LRRC53: variants seen among roughly 807,000 people sequenced by gnomAD.
LRRC53 encodes leucine-rich repeat-containing protein 53.
LRRC53 carries 25 observed loss-of-function variants against 13.6 expected under a neutral mutation model. The observed-to-expected ratio is 1.83, with a 90% confidence interval of 1.34 to 2.56. The LOEUF is 2.56. Among genes scored for constraint, LRRC53 ranks in the 30% most tolerant of loss-of-function variants. The pLI is 0.00. For missense variants in LRRC53, 527 were observed against 275.8 expected (o/e 1.91, Z -6.45); for synonymous variants, 204 against 109.8 (o/e 1.86, Z -5.37).
chr1:74,472,430 A>C (rs1044080913), intron 4 of LRRC53, among the ~76,000 whole-genome samples: 3 of 152,180 alleles, frequency 2.0e-5, no homozygotes, highest in Admixed American at 2.0e-4. Context: ...TGCTGACTTA[A>C]AAGTTGTGGA....
chr1:74,485,396 G>A (rs1287575501), intron 1 of LRRC53, among the ~76,000 whole-genome samples: 1 of 152,158 alleles, frequency 6.6e-6, no homozygotes, highest in Non-Finnish European at 1.5e-5. Context: ...TGGATGTGTG[G>A]TTCAGGGGCA....
At chr1:74,527,119 A>G in the LRRC53 span, among the ~76,000 whole-genome samples, 1 of 152,192 alleles carries the variant, frequency 6.6e-6, no homozygotes, top group South Asian at 2.1e-4. Context: ...TCCATCTCCT[A>G]GTGGAAAAAT....
chr1:74,523,885 A>G, the LRRC53 span, among the ~76,000 whole-genome samples: 1 of 152,032 alleles, frequency 6.6e-6, no homozygotes, highest in South Asian at 2.1e-4. Context: ...TTAATCTGTC[A>G]TCTACATTAA....
At chr1:74,535,758 A>G in the LRRC53 span, among the ~76,000 whole-genome samples, 1 of 152,196 alleles carries the variant, frequency 6.6e-6, no homozygotes, top group East Asian at 1.9e-4. Context: ...TGTCATCTAT[A>G]TGAAATACCT....
At chr1:74,518,114 T>G in the LRRC53 span, among the ~76,000 whole-genome samples, 1 of 151,984 alleles carries the variant, frequency 6.6e-6, no homozygotes, top group Non-Finnish European at 1.5e-5. Context: ...GACCAGGAGG[T>G]TCCCAGGTAA....
chr1:74,481,068 T>C, intron 2 of LRRC53, 100 bp from the exon 3 acceptor site: 1 of 602,482 alleles, frequency 1.7e-6, no homozygotes, highest in Non-Finnish European at 3.0e-6. Context: ...AGCAATCTTA[T>C]CACCTGGGTA....
intron 3 of LRRC53, 139 bp from the exon 4 acceptor site, chr1:74,475,949 A>T (rs1668185733): frequency 2.2e-6 from 1 of 449,470 alleles, no homozygotes; most frequent in Non-Finnish European, 3.9e-6. Flanking sequence ...CCATTTGGAA[A>T]AATATCAGTC....
chr1:74,478,563 T>A (rs896708190), intron 3 of LRRC53, among the ~76,000 whole-genome samples: 6 of 152,108 alleles, frequency 3.9e-5, no homozygotes, highest in Admixed American at 1.3e-4. Flanking sequence ...AAATCCTCTA[T>A]GAAAAAAAGG....
chr1:74,481,114 T>G, intron 2 of LRRC53, 146 bp from the exon 3 acceptor site: 2 of 577,260 alleles, frequency 3.5e-6, no homozygotes. Flanking sequence ...AAAATGATTT[T>G]CTGATTTCCA....
At chr1:74,500,338 C>T (rs1337732730) in intron 1 of LRRC53, among the ~76,000 whole-genome samples, 2 of 151,680 alleles carry the variant, frequency 1.3e-5, no homozygotes, top group African/African-American at 2.4e-5. Context: ...ATAAATGCAC[C>T]TTTAAAAATT....
Position 74,471,209 on chromosome 1 carries a change from G to A in LRRC53, c.2413C>T (p.Arg805Cys), listed in dbSNP as rs147363976. Residue 805 changes from arginine (R) to cysteine (C), a missense_variant, in exon 5 of 5, where the codon CGT (arginine) becomes TGT (cysteine). Transcript: ENST00000294635. ...TTGTTAGCACTGAGCAGGGGGGCAC[G>A]TTTAGTGTTTCGTTGATAATATGGG... Reference protein sequence around the residue: ...QTPYYQRNTKRAPLLSANNLR... With the variant: ...QTPYYQRNTKCAPLLSANNLR... 2.2e-5 allele frequency: 9 copies of A among 400,672 alleles called. No individual in the cohort carries two copies. Among genetic ancestry groups the A allele is most frequent in the East Asian group, 3.6e-5 (1 of 28,068 alleles). The allele number at this position is 400,672 out of a possible 1,614,324, so 24.8% of individuals were successfully genotyped here.
Position 74,471,366 on chromosome 1 carries a change from T to C in LRRC53, c.2256A>G (p.Leu752=). Residue 752 remains leucine, a synonymous_variant, in exon 5 of 5, where the codon TTA becomes TTG. Transcript: ENST00000294635. ...CKQVLLPPKK[L]SKTSETEAKI... ...TGGCTTCTGTCTCAGAAGTTTTGGA[T>C]AATTTCTTAGGAGGCAACAATACCT... The C allele has an allele frequency of 5.0e-6, 2 of 400,724 alleles. No individual in the cohort carries two copies. The highest frequency in any genetic ancestry group is 2.5e-4 in the South Asian group (2 of 7,954). 24.8% of individuals were successfully genotyped at this position (400,724 alleles called of 1,614,324 possible). A position where few individuals can be genotyped will look rare whatever the true frequency, so the allele number is the denominator to read the frequency against.
chr1:74,514,554 A>G (rs1195798612), upstream of LRRC53, among the ~76,000 whole-genome samples: 6 of 152,216 alleles, frequency 3.9e-5, no homozygotes, highest in Non-Finnish European at 7.3e-5. Context: ...TTAATATAAT[A>G]TCCCCAATTA....
intron 1 of LRRC53, among the ~76,000 whole-genome samples, chr1:74,511,190 G>A (rs527478228): frequency 1.0e-4 from 12 of 116,248 alleles, no homozygotes; most frequent in Non-Finnish European, 1.6e-4. Context: ...TACCGTGCCC[G>A]GCCTATTTTT....
chr1:74,469,817 T>G lies in LRRC53; in HGVS notation c.*61A>C. On this transcript the variant is annotated 3_prime_UTR_variant, in exon 5 of 5. Coordinates refer to ENST00000294635, the MANE Select transcript of LRRC53 (RefSeq NM_001382280.1). Reference sequence around the variant, plus strand: ...TAATGCATGCAAAGGCTAGTGGGTGTTTGTCCTCTTGAAGAAAGCTAAAGT... The same window carrying G: ...TAATGCATGCAAAGGCTAGTGGGTGGTTGTCCTCTTGAAGAAAGCTAAAGT... 1 of 399,666 alleles carries G rather than the reference T, an allele frequency of 2.5e-6. No homozygotes were observed. The highest frequency in any genetic ancestry group is 4.4e-6 in the Non-Finnish European group (1 of 225,678). 24.8% of individuals were successfully genotyped at this position (399,666 alleles called of 1,614,324 possible). A position where few individuals can be genotyped will look rare whatever the true frequency, so the allele number is the denominator to read the frequency against.
upstream of LRRC53, among the ~76,000 whole-genome samples, chr1:74,515,774 A>G (rs1032209337): frequency 1.3e-5 from 2 of 152,226 alleles, no homozygotes. Flanking sequence ...TAAGTATGAT[A>G]AAAGCTAAGG....
the LRRC53 span, among the ~76,000 whole-genome samples, chr1:74,531,448 T>C: frequency 3.3e-5 from 5 of 152,166 alleles, no homozygotes; most frequent in Admixed American, 3.3e-4. Flanking sequence ...TCTTACTCTT[T>C]AGGCCAGAGG....
intron 1 of LRRC53, among the ~76,000 whole-genome samples, chr1:74,486,513 T>TG (rs1668775891): frequency 7.3e-6 from 1 of 136,744 alleles, no homozygotes; most frequent in Admixed American, 7.0e-5. Context: ...TTTGCTTTTT[T>TG]TTTTTTTGCC....
chr1:74,484,357 A>G lies in LRRC53; in HGVS notation c.-26-982T>C, dbSNP rs948660496. Among the ~76,000 whole-genome samples the G allele has an allele frequency of 1.1e-4, 17 of 152,322 alleles. No individual in the cohort carries two copies. In the South Asian group the frequency reaches 3.3e-3, roughly 30 times the overall value. ...CAAGCATTTGTAGATCACCTTCTGC[A>G]TGCTAGGCACTGCTCACAGTACTGG... On this transcript the variant is annotated intron_variant, in intron 1 of 4. Transcript: ENST00000294635.
Sources: allele counts gnomAD v4.1 joint callset (sites outside exome capture counted in the v4.1 genomes callset), GRCh38; gene constraint gnomAD v4.1.1; transcripts MANE v1.5; gene names NCBI Gene and HGNC (gene_info 2026-07-23, HGNC 2026-07-21).